CABIN1: variants seen among roughly 807,000 people sequenced by gnomAD.
CABIN1 encodes calcineurin binding protein 1, also known as calcineurin-binding protein cabin-1.
CABIN1 carries 133 observed loss-of-function variants against 227.7 expected under a neutral mutation model. The observed-to-expected ratio is 0.58, with a 90% CI of 0.51 to 0.67. CABIN1 has a LOEUF of 0.67. Among genes scored for constraint, CABIN1 ranks in the 30% least tolerant of loss-of-function variants. The pLI, the probability that CABIN1 is intolerant of heterozygous loss-of-function variation, is 0.00. For synonymous variants in CABIN1, 1,086 were observed against 1,155.1 expected (o/e 0.94, Z 1.21); for missense variants, 2,408 against 2,852.5 (o/e 0.84, Z 3.55).
At chr22:24,064,595 T>C (rs1170809722) in intron 15 of CABIN1, among the ~76,000 whole-genome samples, 343 of 137,802 alleles carry the variant, frequency 2.5e-3, no homozygotes, top group African/African-American at 9.3e-3. Context: ...AGGACAATAG[T>C]GGAGGGAAGG....
At chr22:24,160,254 G>C (rs148946002) in intron 29 of CABIN1, 1 of 152,296 alleles carries the variant, frequency 6.6e-6, no homozygotes, top group Admixed American at 6.5e-5. Flanking sequence ...TGACAAGCTC[G>C]TGCCTTGGGT....
intron 26 of CABIN1, among the ~76,000 whole-genome samples, chr22:24,109,749 G>A (rs2042710445): frequency 6.6e-6 from 1 of 152,198 alleles, no homozygotes; most frequent in African/African-American, 2.4e-5. Context: ...AGGTGCGAAA[G>A]GGACTTAACT....
intron 29 of CABIN1, among the ~76,000 whole-genome samples, chr22:24,145,944 G>C (rs2045085909): frequency 6.6e-6 from 1 of 152,200 alleles, no homozygotes; most frequent in African/African-American, 2.4e-5. Context: ...ATCCCACCCT[G>C]GCTGGTGAGG....
intron 19 of CABIN1, among the ~76,000 whole-genome samples, chr22:24,078,378 T>G (rs2040580358): frequency 6.6e-6 from 1 of 152,240 alleles, no homozygotes; most frequent in South Asian, 2.1e-4. Flanking sequence ...GCACTCATGA[T>G]TCTGGGTGCC....
chr22:24,116,695 G>A (rs1019241980), intron 27 of CABIN1, among the ~76,000 whole-genome samples: 1 of 152,238 alleles, frequency 6.6e-6, no homozygotes, highest in Non-Finnish European at 1.5e-5. Flanking sequence ...TTGCCAAGAT[G>A]TGTAGCCACC....
At chr22:24,176,010 T>G (rs2047082459) in intron 34 of CABIN1, 101 bp from the exon 35 acceptor site, 2 of 1,343,278 alleles carry the variant, frequency 1.5e-6, no homozygotes. Flanking sequence ...CCCTGCCCAG[T>G]GTCCCAGGGC....
intron 8 of CABIN1, among the ~76,000 whole-genome samples, chr22:24,052,806 AT>A (rs1284119270): frequency 1.3e-5 from 2 of 151,406 alleles, no homozygotes; most frequent in Non-Finnish European, 1.5e-5. Flanking sequence ...AAAAAAAAAA[AT>A]TAAAAAATAA....
intron 22 of CABIN1, among the ~76,000 whole-genome samples, chr22:24,086,808 G>A (rs747849353): frequency 4.6e-5 from 7 of 152,048 alleles, no homozygotes; most frequent in Admixed American, 3.3e-4. Context: ...AGAATGGTAG[G>A]GTCTCAGCCA....
chr22:24,022,737 A>G (rs148698091), intron 1 of CABIN1, among the ~76,000 whole-genome samples: 6 of 152,222 alleles, frequency 3.9e-5, no homozygotes, highest in African/African-American at 1.4e-4. Flanking sequence ...CTGTGTTGGC[A>G]TTATCAGTTT....
At chr22:24,037,875 C>A (rs2037046010) in intron 3 of CABIN1, among the ~76,000 whole-genome samples, 1 of 151,714 alleles carries the variant, frequency 6.6e-6, no homozygotes, top group African/African-American at 2.4e-5. Flanking sequence ...GGGATTCTCA[C>A]CCCCTACCCC....
chr22:24,062,214 C>A (rs185252934), intron 13 of CABIN1, among the ~76,000 whole-genome samples, 189 bp downstream of exon 13: 1 of 152,118 alleles, frequency 6.6e-6, no homozygotes, highest in Non-Finnish European at 1.5e-5. Context: ...AGTAGCTGAG[C>A]CCCCAGAGGG....
At chr22:24,013,927 T>A (rs1205728798) in intron 1 of CABIN1, among the ~76,000 whole-genome samples, 1 of 152,240 alleles carries the variant, frequency 6.6e-6, no homozygotes, top group East Asian at 1.9e-4. Flanking sequence ...CAAAGACACA[T>A]TATCTTTGTG....
At chr22:24,099,578 A>G (rs75642681) in intron 26 of CABIN1, among the ~76,000 whole-genome samples, 6,522 of 152,186 alleles carry the variant, frequency 0.043, 206 homozygotes, top group Middle Eastern at 0.082. Context: ...CCCTGTTAAG[A>G]TCCTCTCTCC....
intron 31 of CABIN1, among the ~76,000 whole-genome samples, chr22:24,166,320 G>A (rs922886894): frequency 1.3e-5 from 2 of 152,218 alleles, no homozygotes; most frequent in African/African-American, 4.8e-5. Flanking sequence ...AAGGGGAGCT[G>A]GGCAATGCTG....
chr22:24,026,194 A>T (rs2036075554), intron 1 of CABIN1, among the ~76,000 whole-genome samples: 1 of 152,114 alleles, frequency 6.6e-6, no homozygotes, highest in South Asian at 2.1e-4. Context: ...GGCTGGCCTC[A>T]AACTCCTGGG....
Position 24,164,387 on chromosome 22 carries a change from A to G in CABIN1, c.4747-13A>G, listed in dbSNP as rs572002128. On this transcript the variant is annotated splice_polypyrimidine_tract_variant and intron_variant, in intron 29 of 36. Transcript: ENST00000263119. ...ACCACCCCCCTCACACACCTGTGCC[A>G]TCCATCCCACAGGGCATCTGGCGGA... 7 of 1,601,510 alleles carry G rather than the reference A, an allele frequency of 4.4e-6. No homozygotes were observed. The highest frequency in any genetic ancestry group is 2.7e-5 in the African/African-American group (2 of 75,024).
intron 1 of CABIN1, among the ~76,000 whole-genome samples, chr22:24,017,727 G>C (rs974366198): frequency 1.3e-5 from 2 of 151,310 alleles, no homozygotes; most frequent in Non-Finnish European, 2.9e-5. Flanking sequence ...ATGTTTCATT[G>C]TATGTATATA....
Position 24,119,522 on chromosome 22 carries a change from C to T in CABIN1, c.4456C>T (p.Leu1486Phe), listed in dbSNP as rs1569242813. 2 of 1,613,968 alleles carry T rather than the reference C, an allele frequency of 1.2e-6. No homozygotes were observed. The highest frequency in any genetic ancestry group is 1.1e-5 in the South Asian group (1 of 91,088). ...TLWDGKKRGD[L>F]PGEPVAFPQG... Reference sequence around the variant, plus strand: ...GTGGGATGGGAAGAAGAGAGGGGACCTCCCAGGGGAGCCAGTGGCCTTCCC... The same window carrying T: ...GTGGGATGGGAAGAAGAGAGGGGACTTCCCAGGGGAGCCAGTGGCCTTCCC... The change falls in exon 28 of 37, where the codon CTC becomes TTC. Residue 1486 changes from leucine to phenylalanine, a missense_variant. Coordinates refer to ENST00000263119, the MANE Select transcript of CABIN1 (RefSeq NM_012295.4).
chr22:24,175,005 C>A (rs73399074), intron 34 of CABIN1, among the ~76,000 whole-genome samples: 3,182 of 152,300 alleles, frequency 0.021, 133 homozygotes, highest in African/African-American at 0.071. Context: ...CACCATCAAG[C>A]AGGCCAAAGC....
Sources: gnomAD v4.1 joint callset for allele counts (sites outside exome capture counted in the v4.1 genomes callset) on GRCh38, gnomAD v4.1.1 for gene constraint, MANE v1.5 for transcripts, NCBI Gene and HGNC (gene_info 2026-07-23, HGNC 2026-07-21) for gene names.